The following KCTD8 variants were observed in gnomAD, a reference collection of about 807,000 sequenced individuals.
KCTD8 encodes potassium channel tetramerization domain containing 8.
Under a neutral mutation model 31.5 loss-of-function variants are expected in KCTD8, and 27 were observed. The observed-to-expected ratio is 0.86, with a 90% CI of 0.63 to 1.18. The LOEUF (loss-of-function observed/expected upper bound fraction) is 1.18. Among genes scored for constraint, KCTD8 ranks in the 50% most tolerant of loss-of-function variants. The pLI is 0.00. For synonymous variants in KCTD8, 290 were observed against 280.0 expected (o/e 1.04, Z -0.36); for missense variants, 658 against 647.7 (o/e 1.02, Z -0.17).
chr4:44,427,045 C>T (rs1361783011), intron 1 of KCTD8, among the ~76,000 whole-genome samples: 1 of 151,256 alleles, frequency 6.6e-6, no homozygotes, highest in South Asian at 2.1e-4. Flanking sequence ...AAAGAGAAAG[C>T]ATATAATTAT....
At chr4:44,254,155 G>A (rs1453997752) in intron 1 of KCTD8, among the ~76,000 whole-genome samples, 2 of 151,804 alleles carry the variant, frequency 1.3e-5, no homozygotes, top group Non-Finnish European at 2.9e-5. Flanking sequence ...TTTTAGCTGT[G>A]TACAAGAATG....
At chr4:44,328,002 T>C (rs962682267) in intron 1 of KCTD8, among the ~76,000 whole-genome samples, 5 of 151,920 alleles carry the variant, frequency 3.3e-5, no homozygotes, top group Admixed American at 2.0e-4. Flanking sequence ...ATTTCTTTTA[T>C]AGGAAAGTGA....
Position 44,316,537 on chromosome 4 carries a change from A to G in KCTD8, c.961+131026T>C, listed in dbSNP as rs112712306. Among the ~76,000 whole-genome samples, 1,191 of 152,118 alleles carry G rather than the reference A, an allele frequency of 7.8e-3. 15 individuals carry two copies. The highest frequency in any genetic ancestry group is 0.027 in the African/African-American group (1,109 of 41,510). On this transcript the variant is annotated intron_variant, in intron 1 of 1. Transcript: ENST00000360029. Reference sequence around the variant, plus strand: ...TGTGCCGAGCCAAATGTGTTTTCTCACCAGTTGTATATGTCTCTTCTAGAT... The same window carrying G: ...TGTGCCGAGCCAAATGTGTTTTCTCGCCAGTTGTATATGTCTCTTCTAGAT...
At position 44,376,056 on chromosome 4, in the gene KCTD8, C is replaced by T. The variant is rs528696975; in HGVS notation, c.961+71507G>A. ...CTGCAGTAATTGCTGCCACTGGTTGCAATTATTGTTTCTCTGAAACAAGAC... is the reference window on the plus strand; with the variant it reads ...CTGCAGTAATTGCTGCCACTGGTTGTAATTATTGTTTCTCTGAAACAAGAC... On this transcript the variant is annotated intron_variant, in intron 1 of 1. Coordinates refer to ENST00000360029, the MANE Select transcript of KCTD8 (RefSeq NM_198353.3). Among the ~76,000 whole-genome samples the T allele has an allele frequency of 4.1e-4, 62 of 152,188 alleles. 2 individuals are homozygous for T. In the South Asian group the frequency reaches 0.01, roughly 25 times the overall value.
chr4:44,213,389 T>C (rs1010644747), intron 1 of KCTD8, among the ~76,000 whole-genome samples: 5 of 152,304 alleles, frequency 3.3e-5, no homozygotes, highest in African/African-American at 7.2e-5. Context: ...TTAGGAAAGG[T>C]TATGCCACAT....
At chr4:44,183,638 G>A (rs1713495201) in intron 1 of KCTD8, among the ~76,000 whole-genome samples, 2 of 152,062 alleles carry the variant, frequency 1.3e-5, no homozygotes, top group South Asian at 2.1e-4. Flanking sequence ...TAAAAAGGCT[G>A]CATGATTTCT....
At chr4:44,328,220 T>C (rs1181345108) in intron 1 of KCTD8, among the ~76,000 whole-genome samples, 2 of 152,068 alleles carry the variant, frequency 1.3e-5, no homozygotes, top group South Asian at 2.1e-4. Context: ...ACTCTTCTTG[T>C]ATGCAAAACA....
chr4:44,318,799 G>A (rs1202957736), intron 1 of KCTD8, among the ~76,000 whole-genome samples: 1 of 152,194 alleles, frequency 6.6e-6, no homozygotes, highest in Non-Finnish European at 1.5e-5. Flanking sequence ...CTTATTTATT[G>A]TTGCTGCTGT....
intron 1 of KCTD8, among the ~76,000 whole-genome samples, chr4:44,426,276 C>G (rs1362627251): frequency 6.6e-6 from 1 of 151,066 alleles, no homozygotes; most frequent in Non-Finnish European, 1.5e-5. Context: ...AGAAAATAAT[C>G]AAGAAGCTAG....
intron 1 of KCTD8, among the ~76,000 whole-genome samples, chr4:44,421,685 A>G (rs1721215796): frequency 6.6e-6 from 1 of 152,204 alleles, no homozygotes; most frequent in Admixed American, 6.6e-5. Context: ...TTAAATTACA[A>G]CATATGCACC....
intron 1 of KCTD8, among the ~76,000 whole-genome samples, chr4:44,221,072 T>C (rs1274413610): frequency 1.3e-5 from 2 of 152,210 alleles, no homozygotes; most frequent in Non-Finnish European, 2.9e-5. Context: ...GCAGGACCCA[T>C]GGTTATCCTT....
chr4:44,447,716 AG>A lies in KCTD8; in HGVS notation c.807del (p.Tyr270ThrfsTer57). 1 of 1,612,642 alleles carries A rather than the reference AG, an allele frequency of 6.2e-7. No individual in the cohort carries two copies. Among genetic ancestry groups the A allele is most frequent in the Non-Finnish European group, 8.5e-7 (1 of 1,179,458 alleles). The stretch of plus-strand genomic sequence containing the variant: ...TGCTCCAAGTAGGTGAACTTGAGGT[AG>A]AAGCGGGACGTGTACTTCTCCGGCT... ...DRQPEKYTSR[F>X]YLKFTYLEQA... is the part of the protein sequence containing the mutation. On this transcript the variant is annotated frameshift_variant, in exon 1 of 2. Coordinates refer to ENST00000360029, the MANE Select transcript of KCTD8 (RefSeq NM_198353.3). LOFTEE classifies it high-confidence loss of function.
At chr4:44,206,332 G>A (rs1382466352) in intron 1 of KCTD8, among the ~76,000 whole-genome samples, 1 of 152,076 alleles carries the variant, frequency 6.6e-6, no homozygotes, top group Non-Finnish European at 1.5e-5. Flanking sequence ...AAAAAGATAT[G>A]GGAATTTATG....
At chr4:44,384,844 T>C (rs1456196677) in intron 1 of KCTD8, among the ~76,000 whole-genome samples, 1 of 151,792 alleles carries the variant, frequency 6.6e-6, no homozygotes, top group African/African-American at 2.4e-5. Context: ...ATATGCTAAT[T>C]ACCCCAATTT....
rs530332721 is a variant in KCTD8 at position 44,414,013 on chromosome 4, C to T, written c.961+33550G>A. 4.6e-5 allele frequency among the ~76,000 whole-genome samples: 7 copies of T among 152,082 alleles called. No individual in the cohort carries two copies. In the South Asian group the frequency reaches 1.2e-3, roughly 27 times the overall value. ...GAAAAAGACTAGAAAACAGATTGTC[C>T]CCTTGAGCCTCCAGAAGAAACCCAG... On this transcript the variant is annotated intron_variant, in intron 1 of 1. Coordinates refer to ENST00000360029, the MANE Select transcript of KCTD8 (RefSeq NM_198353.3).
intron 1 of KCTD8, among the ~76,000 whole-genome samples, chr4:44,275,491 T>A (rs1217644412): frequency 2.0e-5 from 3 of 151,986 alleles, no homozygotes; most frequent in Non-Finnish European, 4.4e-5. Flanking sequence ...TTTGAGAATT[T>A]CTAAAGCTTT....
intron 1 of KCTD8, among the ~76,000 whole-genome samples, chr4:44,264,527 A>G (rs1009677815): frequency 6.6e-6 from 1 of 152,194 alleles, no homozygotes; most frequent in Non-Finnish European, 1.5e-5. Flanking sequence ...AGTGCCAGAC[A>G]GTGGGCGCAG....
intron 1 of KCTD8, among the ~76,000 whole-genome samples, chr4:44,346,693 G>C (rs796748916): frequency 2.0e-5 from 3 of 152,254 alleles, no homozygotes; most frequent in African/African-American, 7.2e-5. Flanking sequence ...CTAGTACAAA[G>C]AGAAGTGTCA....
chr4:44,282,818 A>G (rs1271051637), intron 1 of KCTD8, among the ~76,000 whole-genome samples: 2 of 152,054 alleles, frequency 1.3e-5, no homozygotes, highest in African/African-American at 4.8e-5. Flanking sequence ...AATCTCTTCT[A>G]TTCTATGAAG....
Sources: allele counts gnomAD v4.1 joint callset (sites outside exome capture counted in the v4.1 genomes callset), GRCh38; gene constraint gnomAD v4.1.1; transcripts MANE v1.5; gene names NCBI Gene and HGNC (gene_info 2026-07-23, HGNC 2026-07-21).